The following ADCY2 variants were observed in gnomAD, a reference collection of about 807,000 sequenced individuals.
ADCY2 encodes adenylate cyclase 2.
Under a neutral mutation model 125.2 loss-of-function variants are expected in ADCY2, and 31 were observed. The observed-to-expected ratio is 0.25, with a 90% CI of 0.19 to 0.33. The LOEUF (loss-of-function observed/expected upper bound fraction) is 0.33, where lower values mean the gene tolerates loss of function less well. ADCY2 is among the 10% of genes least tolerant of loss of function. The pLI is 1.00. For missense variants in ADCY2, 904 were observed against 1,418.2 expected (o/e 0.64, Z 5.82); for synonymous variants, 512 against 548.4 (o/e 0.93, Z 0.93).
rs181310847 is a variant in ADCY2 at position 7,606,544 on chromosome 5, T to A, written c.571-19623T>A. Among the ~76,000 whole-genome samples the A allele has an allele frequency of 2.6e-5, 4 of 152,348 alleles. No individual in the cohort carries two copies. The East Asian group carries it at 7.7e-4, about 29-fold the overall frequency. On this transcript the variant is annotated intron_variant, in intron 3 of 24. Transcript: ENST00000338316. The stretch of plus-strand genomic sequence containing the variant: ...TAAATTTGGTCCATGATCATTTAAA[T>A]GCAACATTTATTATTACTGAAGGCT...
At chr5:7,602,141 C>T (rs1304311145) in intron 3 of ADCY2, among the ~76,000 whole-genome samples, 2 of 152,180 alleles carry the variant, frequency 1.3e-5, no homozygotes, top group African/African-American at 4.8e-5. Flanking sequence ...ATGATCTTAT[C>T]TCAAAATCAT....
chr5:7,606,164 T>G (rs1028357123), intron 3 of ADCY2, among the ~76,000 whole-genome samples: 1 of 152,160 alleles, frequency 6.6e-6, no homozygotes, highest in African/African-American at 2.4e-5. Context: ...TGGGTGTTGT[T>G]TACGTGGATT....
At chr5:7,566,852 A>G (rs2126594793) in intron 3 of ADCY2, among the ~76,000 whole-genome samples, 1 of 152,334 alleles carries the variant, frequency 6.6e-6, no homozygotes, top group Admixed American at 6.5e-5. Context: ...TCCAAATATC[A>G]TAGTGTTTTG....
Position 7,818,761 on chromosome 5 carries a change from G to A in ADCY2, c.2998+1781G>A, listed in dbSNP as rs147337410. ...TGAGATGACCACACCAAACATGGGCGTGTCCCTTTGACCCCAGAGACTCTA... is the reference window on the plus strand; with the variant it reads ...TGAGATGACCACACCAAACATGGGCATGTCCCTTTGACCCCAGAGACTCTA... On this transcript the variant is annotated intron_variant, in intron 23 of 24. Transcript: ENST00000338316. Among the ~76,000 whole-genome samples the A allele has an allele frequency of 2.9e-3, 431 of 149,944 alleles. 4 individuals carry two copies. Among genetic ancestry groups the A allele is most frequent in the African/African-American group, 9.9e-3 (403 of 40,726 alleles).
At chr5:7,501,811 C>T (rs1466492503) in intron 2 of ADCY2, among the ~76,000 whole-genome samples, 1 of 152,022 alleles carries the variant, frequency 6.6e-6, no homozygotes, top group African/African-American at 2.4e-5. Flanking sequence ...GGCAGGGAGC[C>T]TGCAGGATCA....
Position 7,569,915 on chromosome 5 carries a change from G to A in ADCY2, c.570+49016G>A, listed in dbSNP as rs777881430. ...CACGTGTATGGGAAAGTTCATTGTG[G>A]TTTGAAAATGAATTTTCAATGGATA... On this transcript the variant is annotated intron_variant, in intron 3 of 24. Transcript: ENST00000338316. Among the ~76,000 whole-genome samples the A allele has an allele frequency of 3.3e-5, 5 of 152,056 alleles. No individual in the cohort carries two copies. The South Asian group carries it at 1.0e-3, about 32-fold the overall frequency.
intron 3 of ADCY2, among the ~76,000 whole-genome samples, chr5:7,569,526 A>G (rs2126598386): frequency 6.6e-6 from 1 of 152,296 alleles, no homozygotes; most frequent in East Asian, 1.9e-4. Context: ...GACACACTCC[A>G]CAGCTGCTGC....
At chr5:7,504,886 T>G (rs1223622999) in intron 2 of ADCY2, among the ~76,000 whole-genome samples, 1 of 152,074 alleles carries the variant, frequency 6.6e-6, no homozygotes, top group East Asian at 1.9e-4. Flanking sequence ...TTTATTTATT[T>G]TTTTAAGACA....
chr5:7,657,106 T>G (rs997505550), intron 4 of ADCY2, among the ~76,000 whole-genome samples: 1 of 152,262 alleles, frequency 6.6e-6, no homozygotes, highest in Non-Finnish European at 1.5e-5. Flanking sequence ...ACTTGGGTCC[T>G]ATCCCCAAGA....
At chr5:7,808,397 C>T (rs938226262) in intron 22 of ADCY2, among the ~76,000 whole-genome samples, 11 of 152,164 alleles carry the variant, frequency 7.2e-5, no homozygotes, top group African/African-American at 2.7e-4. Context: ...TGTTTAGCTT[C>T]CTTCACTCTG....
At chr5:7,602,871 C>G (rs894182079) in intron 3 of ADCY2, among the ~76,000 whole-genome samples, 1 of 152,090 alleles carries the variant, frequency 6.6e-6, no homozygotes, top group Non-Finnish European at 1.5e-5. Flanking sequence ...CTCCAATAAA[C>G]AGAAAACCAG....
chr5:7,698,614 A>T (rs1414392564), intron 7 of ADCY2, among the ~76,000 whole-genome samples: 4 of 151,792 alleles, frequency 2.6e-5, no homozygotes, highest in Non-Finnish European at 5.9e-5. Flanking sequence ...TTCAACTCCC[A>T]CTTATGAGTG....
chr5:7,670,587 A>T (rs1283000961), intron 4 of ADCY2, among the ~76,000 whole-genome samples: 2 of 152,234 alleles, frequency 1.3e-5, no homozygotes, highest in Non-Finnish European at 2.9e-5. Flanking sequence ...CATGTTATAA[A>T]ATAGCCATCT....
At chr5:7,801,971 G>A (rs1260448017) in intron 20 of ADCY2, 1 of 445,386 alleles carries the variant, frequency 2.2e-6, no homozygotes, top group Non-Finnish European at 4.0e-6. Context: ...AAGTCAATAT[G>A]ACAGAGAGGT....
At chr5:7,524,566 G>C (rs1389594484) in intron 3 of ADCY2, among the ~76,000 whole-genome samples, 1 of 152,180 alleles carries the variant, frequency 6.6e-6, no homozygotes, top group African/African-American at 2.4e-5. Context: ...TCTTCTACAG[G>C]ATGGAACAAT....
chr5:7,657,039 AATTGTTTTTGGGCT>A, intron 4 of ADCY2, among the ~76,000 whole-genome samples: 1 of 152,310 alleles, frequency 6.6e-6, no homozygotes, highest in South Asian at 2.1e-4. Flanking sequence ...TATTGTATAA[AATTGTTTTTGGGCT>A]ATGTGTATAA....
intron 4 of ADCY2, among the ~76,000 whole-genome samples, chr5:7,650,643 G>A (rs1030205618): frequency 1.3e-5 from 2 of 152,084 alleles, no homozygotes; most frequent in East Asian, 1.9e-4. Context: ...AGTGGCTTGC[G>A]ATTTCTGTAT....
At chr5:7,609,135 G>A (rs945197080) in intron 3 of ADCY2, among the ~76,000 whole-genome samples, 2 of 152,202 alleles carry the variant, frequency 1.3e-5, no homozygotes, top group African/African-American at 2.4e-5. Context: ...GATAAGATAA[G>A]TTCAGGTCCA....
chr5:7,690,860 C>T lies in ADCY2; in HGVS notation c.869+21C>T, dbSNP rs759304254. 3.9e-6 allele frequency: 6 copies of T among 1,523,480 alleles called. No homozygotes were observed. In the Admixed American group the frequency reaches 1.3e-4, roughly 32 times the overall value. 94.4% of individuals were successfully genotyped at this position (1,523,480 alleles called of 1,614,324 possible). A position where few individuals can be genotyped will look rare whatever the true frequency, so the allele number is the denominator to read the frequency against. On this transcript the variant is annotated intron_variant, in intron 5 of 24. Coordinates refer to ENST00000338316, the MANE Select transcript of ADCY2 (RefSeq NM_020546.3). ...GTGAGGTACGACGCTATGCTTGCTCCTTGGCTGGTCTGGGAGTCTGCCTGA... is the reference window on the plus strand; with the variant it reads ...GTGAGGTACGACGCTATGCTTGCTCTTTGGCTGGTCTGGGAGTCTGCCTGA...
Sources: allele counts gnomAD v4.1 joint callset (sites outside exome capture counted in the v4.1 genomes callset), GRCh38; gene constraint gnomAD v4.1.1; transcripts MANE v1.5; gene names NCBI Gene and HGNC (gene_info 2026-07-23, HGNC 2026-07-21).